CSMD1: variants seen among roughly 807,000 people sequenced by gnomAD.
The protein encoded by CSMD1 is CUB and Sushi multiple domains 1, also known as CUB and sushi domain-containing protein 1.
CSMD1 carries 213 observed loss-of-function variants against 417.5 expected under a neutral mutation model. That is an observed-to-expected ratio of 0.51 (90% CI 0.46 to 0.57). The LOEUF is 0.57. CSMD1 is among the 20% of genes least tolerant of loss of function. The pLI is 0.00. For missense variants in CSMD1, 6,923 were observed against 4,529.7 expected (o/e 1.53, Z -15.17); for synonymous variants, 2,862 against 1,736.8 (o/e 1.65, Z -16.11).
intron 39 of CSMD1, among the ~76,000 whole-genome samples, chr8:3,156,663 G>C (rs1401927102): frequency 6.6e-6 from 1 of 151,928 alleles, no homozygotes; most frequent in East Asian, 1.9e-4. Flanking sequence ...GCAATATTTG[G>C]AAAAAATAAA....
intron 1 of CSMD1, among the ~76,000 whole-genome samples, chr8:4,740,583 G>T (rs1219441244): frequency 6.6e-6 from 1 of 152,150 alleles, no homozygotes; most frequent in Non-Finnish European, 1.5e-5. Context: ...TATGGTCTCA[G>T]ATAGCGTAAC....
At chr8:3,992,579 T>G (rs1377655400) in intron 5 of CSMD1, among the ~76,000 whole-genome samples, 2 of 152,184 alleles carry the variant, frequency 1.3e-5, no homozygotes, top group African/African-American at 4.8e-5. Context: ...AGTCCAGGAT[T>G]TTGAGACCAG....
intron 3 of CSMD1, among the ~76,000 whole-genome samples, chr8:4,331,193 C>G (rs962137001): frequency 6.6e-6 from 1 of 152,164 alleles, no homozygotes; most frequent in African/African-American, 2.4e-5. Flanking sequence ...AAATCTTCCT[C>G]AAATAGTTGA....
intron 3 of CSMD1, among the ~76,000 whole-genome samples, chr8:4,074,649 C>G (rs1463583377): frequency 6.6e-6 from 1 of 151,990 alleles, no homozygotes; most frequent in Non-Finnish European, 1.5e-5. Flanking sequence ...TGTGAAATAT[C>G]CATCCTTTTA....
chr8:3,728,851 A>G (rs956903251), intron 6 of CSMD1, among the ~76,000 whole-genome samples: 2 of 152,204 alleles, frequency 1.3e-5, no homozygotes, highest in Non-Finnish European at 2.9e-5. Context: ...CTTTTACTGA[A>G]GCAGATTCAT....
intron 7 of CSMD1, among the ~76,000 whole-genome samples, chr8:3,660,564 A>C (rs1585033909): frequency 3.7e-5 from 4 of 108,758 alleles, no homozygotes; most frequent in Admixed American, 1.4e-4. Context: ...CCTGCAGTCC[A>C]GGCAAGAGTG....
At chr8:3,725,412 T>C (rs925195559) in intron 6 of CSMD1, among the ~76,000 whole-genome samples, 6 of 152,132 alleles carry the variant, frequency 3.9e-5, no homozygotes, top group Non-Finnish European at 8.8e-5. Flanking sequence ...TTTTATTTTT[T>C]AAAAGGAAGC....
At chr8:4,554,345 C>T (rs1040677124) in intron 2 of CSMD1, among the ~76,000 whole-genome samples, 5 of 152,214 alleles carry the variant, frequency 3.3e-5, no homozygotes, top group African/African-American at 1.2e-4. Flanking sequence ...CCATGTTGCC[C>T]ACGCTGGTCT....
intron 3 of CSMD1, among the ~76,000 whole-genome samples, chr8:4,038,198 T>G (rs770440300): frequency 2.0e-5 from 3 of 152,112 alleles, no homozygotes; most frequent in African/African-American, 7.2e-5. Flanking sequence ...CTTCAACAAA[T>G]TTTCTTTTTA....
chr8:3,927,937 G>C (rs545213935), intron 5 of CSMD1, among the ~76,000 whole-genome samples: 6 of 152,010 alleles, frequency 3.9e-5, no homozygotes, highest in Non-Finnish European at 5.9e-5. Flanking sequence ...TGTTTTGTTA[G>C]ATTATCTGTT....
At chr8:4,716,818 A>C (rs923497824) in intron 1 of CSMD1, among the ~76,000 whole-genome samples, 3 of 152,212 alleles carry the variant, frequency 2.0e-5, no homozygotes, top group African/African-American at 7.2e-5. Flanking sequence ...ATTTTCAAAC[A>C]TCTCTTAGCA....
intron 5 of CSMD1, among the ~76,000 whole-genome samples, chr8:3,821,724 G>C (rs546796057): frequency 1.3e-5 from 2 of 152,318 alleles, no homozygotes; most frequent in East Asian, 1.9e-4. Context: ...GGAGGTTGCA[G>C]TGAGTTGAAA....
intron 26 of CSMD1, among the ~76,000 whole-genome samples, chr8:3,263,889 C>G (rs1052751109): frequency 1.3e-5 from 2 of 152,214 alleles, no homozygotes; most frequent in African/African-American, 2.4e-5. Context: ...AAATAGTACA[C>G]TGTTTAAAGT....
chr8:3,458,808 G>T (rs991407407), intron 12 of CSMD1, among the ~76,000 whole-genome samples: 2 of 152,166 alleles, frequency 1.3e-5, no homozygotes, highest in African/African-American at 4.8e-5. Flanking sequence ...CAATGGTCTG[G>T]AGAAACAGGA....
intron 7 of CSMD1, among the ~76,000 whole-genome samples, chr8:3,683,539 A>G (rs1009767781): frequency 3.3e-5 from 5 of 152,194 alleles, no homozygotes; most frequent in Non-Finnish European, 7.3e-5. Context: ...CACTGTGCCA[A>G]AAAATCATTT....
intron 3 of CSMD1, among the ~76,000 whole-genome samples, chr8:4,130,486 G>A (rs543595853): frequency 6.6e-6 from 1 of 152,248 alleles, no homozygotes; most frequent in Admixed American, 6.5e-5. Context: ...AGTGTACCCT[G>A]AGGCGAGTTG....
chr8:3,884,724 G>C (rs1806437789), intron 5 of CSMD1, among the ~76,000 whole-genome samples: 1 of 151,976 alleles, frequency 6.6e-6, no homozygotes, highest in African/African-American at 2.4e-5. Flanking sequence ...TCCATGATTG[G>C]CCTTAACTTG....
At chr8:3,327,040 A>G (rs1286279567) in intron 23 of CSMD1, among the ~76,000 whole-genome samples, 1 of 152,188 alleles carries the variant, frequency 6.6e-6, no homozygotes, top group Non-Finnish European at 1.5e-5. Context: ...AAGACAAAAA[A>G]TAAAAACAAG....
intron 3 of CSMD1, among the ~76,000 whole-genome samples, chr8:4,243,563 A>G (rs1802528991): frequency 6.6e-6 from 1 of 152,198 alleles, no homozygotes; most frequent in African/African-American, 2.4e-5. Context: ...AAGCAAGCAT[A>G]TGAGTAAATA....
Sources: gnomAD v4.1 joint callset for allele counts (sites outside exome capture counted in the v4.1 genomes callset) on GRCh38, gnomAD v4.1.1 for gene constraint, MANE v1.5 for transcripts, NCBI Gene and HGNC (gene_info 2026-07-23, HGNC 2026-07-21) for gene names.